SNW1: variants seen among roughly 807,000 people sequenced by gnomAD.
The protein encoded by SNW1 is SNW domain containing 1, also known as SNW domain-containing protein 1.
A neutral mutation model predicts 75.6 loss-of-function variants in SNW1; 9 were observed. The ratio of observed to expected loss-of-function variants is 0.12; its 90% CI spans 0.07 to 0.21. SNW1 has a LOEUF of 0.21. Ranked by LOEUF, SNW1 falls within the 10% of genes least tolerant of loss-of-function variation. The probability of loss-of-function intolerance (pLI) is 1.00; values close to 1 mark genes in which losing one functional copy is unlikely to be tolerated. For synonymous variants in SNW1, 200 were observed against 219.1 expected, an observed-to-expected ratio of 0.91 and a Z score of 0.77; for missense variants, 409 against 670.9, an observed-to-expected ratio of 0.61 and a Z score of 4.31.
intron 1 of SNW1, among the ~76,000 whole-genome samples, chr14:77,758,177 A>T (rs1388186044): frequency 6.6e-6 from 1 of 152,052 alleles, no homozygotes; most frequent in Non-Finnish European, 1.5e-5. Flanking sequence ...TAAAAACACA[A>T]AAATTAGCCG....
chr14:77,743,577 A>T (rs539317320), intron 3 of SNW1, among the ~76,000 whole-genome samples: 1 of 152,342 alleles, frequency 6.6e-6, no homozygotes, highest in South Asian at 2.1e-4. Context: ...TAACCTGTTC[A>T]GTCTCTGGAA....
intron 10 of SNW1, among the ~76,000 whole-genome samples, chr14:77,726,290 G>A (rs2080584066): frequency 6.6e-6 from 1 of 152,100 alleles, no homozygotes; most frequent in African/African-American, 2.4e-5. Context: ...TCCATTTTTA[G>A]AGTGTCTTCT....
chr14:77,743,227 A>C (rs2080733217), intron 3 of SNW1, among the ~76,000 whole-genome samples: 1 of 147,614 alleles, frequency 6.8e-6, no homozygotes, highest in Non-Finnish European at 1.5e-5. Context: ...CTCCGTTTCA[A>C]AAAAAAAAAA....
In SNW1 at chr14:77,734,180, ACTC is replaced by A. The variant is rs1217066238; in HGVS notation, c.774+764_774+766del. Reference sequence around the variant, plus strand: ...TCCCACAATCTACAGATTCTTAACAACTCCTAGAAACTTTGGCAATTATTAGAG... The same window carrying A: ...TCCCACAATCTACAGATTCTTAACAACTAGAAACTTTGGCAATTATTAGAG... On this transcript the variant is annotated intron_variant, in intron 8 of 13. Coordinates refer to ENST00000261531, the MANE Select transcript of SNW1 (RefSeq NM_012245.3). 4 of 193,696 alleles carry A rather than the reference ACTC, an allele frequency of 2.1e-5. No homozygotes were observed. The Admixed American group carries it at 2.2e-4, about 11-fold the overall frequency. 12.0% of individuals were successfully genotyped at this position (193,696 alleles called of 1,614,324 possible).
chr14:77,736,549 A>AAAAAAAC (rs1555387522), intron 6 of SNW1, among the ~76,000 whole-genome samples: 12,203 of 63,804 alleles, frequency 0.19, 1,207 homozygotes, highest in African/African-American at 0.41. Context: ...ACTGTCTCTC[A>AAAAAAAC]AAAAACAAAA....
chr14:77,719,427 G>A (rs188245212), intron 12 of SNW1, among the ~76,000 whole-genome samples: 1 of 152,220 alleles, frequency 6.6e-6, no homozygotes, highest in Non-Finnish European at 1.5e-5. Context: ...CACGAGGTCA[G>A]GAGTTCAAGA....
At chr14:77,731,175 A>T (rs1198899888) in intron 9 of SNW1, 46 bp from the exon 10 acceptor site, 2 of 1,593,216 alleles carry the variant, frequency 1.3e-6, no homozygotes, top group Non-Finnish European at 1.7e-6. Flanking sequence ...CATGGGATAA[A>T]TATTTATGGC....
intron 9 of SNW1, among the ~76,000 whole-genome samples, chr14:77,731,917 G>A (rs945958571): frequency 6.6e-5 from 10 of 152,138 alleles, no homozygotes; most frequent in African/African-American, 2.4e-4. Flanking sequence ...TGTATTTTTA[G>A]TAGAGATGGA....
chr14:77,722,370 G>GTT, intron 11 of SNW1: 1 of 346,286 alleles, frequency 2.9e-6, no homozygotes, highest in South Asian at 2.3e-5. Context: ...TTTCTGAACT[G>GTT]TAAGTTAAAC....
chr14:77,722,471 C>T (rs532615938), intron 11 of SNW1: 4 of 454,066 alleles, frequency 8.8e-6, no homozygotes, highest in South Asian at 4.7e-5. Context: ...ATAAAATGAT[C>T]TCAATAAAAG....
At chr14:77,732,667 T>A in intron 8 of SNW1, 66 bp from the exon 9 acceptor site, 3 of 951,100 alleles carry the variant, frequency 3.2e-6, no homozygotes, top group Non-Finnish European at 1.7e-6. Context: ...GAAGTTAAAT[T>A]AATTTTATTT....
intron 3 of SNW1, among the ~76,000 whole-genome samples, chr14:77,744,817 A>G (rs1465730980): frequency 1.3e-5 from 2 of 152,118 alleles, no homozygotes; most frequent in Non-Finnish European, 2.9e-5. Flanking sequence ...AAGAGTGATT[A>G]CCCCCAAGGA....
chr14:77,747,672 T>C (rs2080772490), intron 3 of SNW1, among the ~76,000 whole-genome samples: 1 of 150,296 alleles, frequency 6.7e-6, no homozygotes, highest in African/African-American at 2.5e-5. Flanking sequence ...GAGGAGCGAC[T>C]CCGCCCGGCA....
At chr14:77,751,605 C>G (rs1006739003) in intron 2 of SNW1, 125 bp from the exon 3 acceptor site, 28 of 659,676 alleles carry the variant, frequency 4.2e-5, no homozygotes, top group Non-Finnish European at 1.9e-5. Context: ...AGCAGAGTTC[C>G]CTGCCTCTTG....
intron 11 of SNW1, 62 bp from the exon 12 acceptor site, chr14:77,720,890 T>A: frequency 1.0e-6 from 1 of 989,536 alleles, no homozygotes; most frequent in Non-Finnish European, 1.6e-6. Flanking sequence ...ATATGTTCAA[T>A]AGAAATACAA....
At chr14:77,746,172 A>G (rs1466315132) in intron 3 of SNW1, among the ~76,000 whole-genome samples, 2 of 152,286 alleles carry the variant, frequency 1.3e-5, no homozygotes, top group African/African-American at 4.8e-5. Context: ...CAAGCATGCC[A>G]TAGCAGCTTA....
intron 12 of SNW1, among the ~76,000 whole-genome samples, chr14:77,718,965 C>T (rs2080514339): frequency 6.6e-6 from 1 of 152,198 alleles, no homozygotes; most frequent in Admixed American, 6.5e-5. Flanking sequence ...CTGCCTTGGT[C>T]TCACAAAGTG....
At chr14:77,743,885 T>C (rs932599652) in intron 3 of SNW1, among the ~76,000 whole-genome samples, 28 of 152,316 alleles carry the variant, frequency 1.8e-4, no homozygotes, top group Non-Finnish European at 2.6e-4. Context: ...TGATTAATGT[T>C]GAATTACTCA....
intron 10 of SNW1, among the ~76,000 whole-genome samples, chr14:77,728,215 T>A (rs1302191963): frequency 6.6e-6 from 1 of 152,112 alleles, no homozygotes; most frequent in African/African-American, 2.4e-5. Flanking sequence ...TTTGAGAGGC[T>A]GAGGCAGGTG....
Sources: allele counts gnomAD v4.1 joint callset (sites outside exome capture counted in the v4.1 genomes callset), GRCh38; gene constraint gnomAD v4.1.1; transcripts MANE v1.5; gene names NCBI Gene and HGNC (gene_info 2026-07-23, HGNC 2026-07-21).